The following B3GLCT variants were observed in gnomAD, a reference collection of about 807,000 sequenced individuals.
The protein encoded by B3GLCT is beta 3-glucosyltransferase, also known as beta-1,3-glucosyltransferase.
Under a neutral mutation model 63.4 loss-of-function variants are expected in B3GLCT, and 65 were observed. That is an observed-to-expected ratio of 1.03 (90% CI 0.84 to 1.26). The LOEUF (loss-of-function observed/expected upper bound fraction) is 1.26, where lower values mean the gene tolerates loss of function less well. Ranked by LOEUF, B3GLCT falls within the 50% of genes most tolerant of loss-of-function variation. The probability of loss-of-function intolerance (pLI) is 0.00; values close to 1 mark genes in which losing one functional copy is unlikely to be tolerated. For synonymous variants in B3GLCT, 233 were observed against 219.2 expected, an observed-to-expected ratio of 1.06 and a Z score of -0.55; for missense variants, 577 against 604.8, an observed-to-expected ratio of 0.95 and a Z score of 0.48.
intron 12 of B3GLCT, among the ~76,000 whole-genome samples, chr13:31,289,933 G>A (rs151096355): frequency 7.3e-4 from 111 of 151,602 alleles, no homozygotes; most frequent in African/African-American, 2.5e-3. Flanking sequence ...TTGTTACATA[G>A]GTATACACGT....
At chr13:31,208,619 GCCCC>G (rs11377541) in intron 1 of B3GLCT, among the ~76,000 whole-genome samples, 1 of 71,006 alleles carries the variant, frequency 1.4e-5, no homozygotes, top group African/African-American at 5.3e-5. Flanking sequence ...TTCTTTAGTG[GCCCC>G]CCCCCCCCGC....
At chr13:31,268,692 C>T (rs1031492099) in intron 7 of B3GLCT, among the ~76,000 whole-genome samples, 1 of 151,964 alleles carries the variant, frequency 6.6e-6, no homozygotes, top group African/African-American at 2.4e-5. Context: ...GTAGGGCCCT[C>T]AAGACTGGCT....
chr13:31,286,198 C>T (rs1056830618), intron 11 of B3GLCT, among the ~76,000 whole-genome samples: 22 of 152,188 alleles, frequency 1.4e-4, no homozygotes, highest in African/African-American at 3.4e-4. Context: ...AGCACTATAT[C>T]TTTAGTGCTT....
intron 1 of B3GLCT, among the ~76,000 whole-genome samples, chr13:31,206,793 T>G (rs972841206): frequency 6.6e-6 from 1 of 150,480 alleles, no homozygotes; most frequent in Non-Finnish European, 1.5e-5. Context: ...AAGTAAGGAG[T>G]TGTTCTGGAG....
chr13:31,294,294 T>C (rs1422631056), intron 12 of B3GLCT, among the ~76,000 whole-genome samples: 1 of 152,200 alleles, frequency 6.6e-6, no homozygotes, highest in Non-Finnish European at 1.5e-5. Context: ...TGTCTTAGGG[T>C]TGCTCTTCCT....
chr13:31,206,797 T>C (rs1868981589), intron 1 of B3GLCT, among the ~76,000 whole-genome samples: 1 of 152,082 alleles, frequency 6.6e-6, no homozygotes, highest in Admixed American at 6.5e-5. Context: ...AAGGAGTTGT[T>C]CTGGAGAGAG....
chr13:31,293,046 C>T (rs1271332445), intron 12 of B3GLCT, among the ~76,000 whole-genome samples: 1 of 152,124 alleles, frequency 6.6e-6, no homozygotes, highest in Non-Finnish European at 1.5e-5. Context: ...TTATTTCTGC[C>T]TAAATTTCAT....
intron 12 of B3GLCT, chr13:31,311,508 A>G (rs952710283): frequency 3.3e-4 from 50 of 152,238 alleles, no homozygotes; most frequent in African/African-American, 1.2e-3. Context: ...GGACACAGTT[A>G]ATTTTGATGC....
intron 12 of B3GLCT, among the ~76,000 whole-genome samples, chr13:31,310,081 C>T (rs1874627282): frequency 6.6e-6 from 1 of 152,144 alleles, no homozygotes; most frequent in Admixed American, 6.5e-5. Context: ...AGGGTGGGGT[C>T]CACAGCCAGG....
intron 14 of B3GLCT, 96 bp downstream of exon 14, chr13:31,323,991 A>G: frequency 6.8e-7 from 1 of 1,460,554 alleles, no homozygotes. Flanking sequence ...TATTCGGGAA[A>G]CAGACTAAGA....
chr13:31,204,804 C>T (rs1868861699), intron 1 of B3GLCT, among the ~76,000 whole-genome samples: 1 of 152,034 alleles, frequency 6.6e-6, no homozygotes, highest in Non-Finnish European at 1.5e-5. Flanking sequence ...CTCTCAGACT[C>T]TGGGACTGAT....
At chr13:31,326,778 A>T (rs530410160) in intron 14 of B3GLCT, among the ~76,000 whole-genome samples, 1 of 152,238 alleles carries the variant, frequency 6.6e-6, no homozygotes, top group South Asian at 2.1e-4. Context: ...TTTTGGATGT[A>T]TTTCACTTTT....
chr13:31,221,555 A>G (rs1369807892), intron 2 of B3GLCT, among the ~76,000 whole-genome samples: 4 of 152,220 alleles, frequency 2.6e-5, no homozygotes, highest in Non-Finnish European at 4.4e-5. Context: ...AAATCAGCAT[A>G]TAACTATAGG....
At chr13:31,285,221 G>A (rs1873261089) in intron 11 of B3GLCT, among the ~76,000 whole-genome samples, 1 of 152,038 alleles carries the variant, frequency 6.6e-6, no homozygotes, top group Non-Finnish European at 1.5e-5. Context: ...AAATAAACCT[G>A]CTTTTCTCTT....
chr13:31,258,016 C>T (rs1014834206), intron 6 of B3GLCT, among the ~76,000 whole-genome samples: 2 of 151,932 alleles, frequency 1.3e-5, no homozygotes, highest in East Asian at 1.9e-4. Context: ...TAACAAGTGC[C>T]GTGGAGAAGA....
chr13:31,290,293 C>A (rs1156445830), intron 12 of B3GLCT, among the ~76,000 whole-genome samples: 2 of 152,180 alleles, frequency 1.3e-5, no homozygotes, highest in African/African-American at 4.8e-5. Flanking sequence ...GGTTCCAAGT[C>A]TTTGCTATTG....
At chr13:31,257,323 A>G (rs114264820) in intron 6 of B3GLCT, among the ~76,000 whole-genome samples, 411 of 152,192 alleles carry the variant, frequency 2.7e-3, no homozygotes, top group African/African-American at 9.1e-3. Flanking sequence ...AGTGATTTTC[A>G]TATTGGTTAA....
chr13:31,244,122 T>C (rs568214989), intron 4 of B3GLCT, among the ~76,000 whole-genome samples: 1 of 152,370 alleles, frequency 6.6e-6, no homozygotes, highest in South Asian at 2.1e-4. Flanking sequence ...AATGTTGATA[T>C]AACATTTTCT....
rs185308234 is a variant in B3GLCT, at chr13:31,329,943, C to G, written c.*275C>G. 11 of 441,796 alleles carry G rather than the reference C, an allele frequency of 2.5e-5. No individual in the cohort carries two copies. The Admixed American group carries it at 3.4e-4, about 14-fold the overall frequency. The allele number at this position is 441,796 out of a possible 1,614,324, so 27.4% of individuals were successfully genotyped here. On this transcript the variant is annotated 3_prime_UTR_variant, in exon 15 of 15. Coordinates refer to ENST00000343307, the MANE Select transcript of B3GLCT (RefSeq NM_194318.4). The stretch of plus-strand genomic sequence containing the variant: ...GTGTATTCTCCAAGCTGTGATACAG[C>G]AGTTTTTTTTTATTGTCACAGGGAA...
Sources: gnomAD v4.1 joint callset for allele counts (sites outside exome capture counted in the v4.1 genomes callset) on GRCh38, gnomAD v4.1.1 for gene constraint, MANE v1.5 for transcripts, NCBI Gene and HGNC (gene_info 2026-07-23, HGNC 2026-07-21) for gene names.